EGF: variants seen among roughly 807,000 people sequenced by gnomAD.
EGF encodes epidermal growth factor, also known as pro-epidermal growth factor.
Under a neutral mutation model 143.8 loss-of-function variants are expected in EGF, and 95 were observed. The ratio of observed to expected loss-of-function variants is 0.66; its 90% CI spans 0.56 to 0.78. EGF has a LOEUF of 0.78. Among genes scored for constraint, EGF ranks in the 30% least tolerant of loss-of-function variants. The pLI is 0.00. For missense variants in EGF, 1,320 were observed against 1,470.9 expected (o/e 0.90, Z 1.68); for synonymous variants, 510 against 510.5 (o/e 1.00, Z 0.01).
chr4:109,978,611 G>A (rs1450934698), intron 13 of EGF, among the ~76,000 whole-genome samples: 4 of 152,132 alleles, frequency 2.6e-5, no homozygotes, highest in Non-Finnish European at 4.4e-5. Flanking sequence ...TTGTTTAATG[G>A]ACATAGAGTT....
At chr4:109,997,548 G>T (rs539975105) in intron 20 of EGF, among the ~76,000 whole-genome samples, 2 of 151,332 alleles carry the variant, frequency 1.3e-5, no homozygotes, top group African/African-American at 2.4e-5. Context: ...TGCAAGCTCC[G>T]CCTCCCGGAT....
intron 1 of EGF, among the ~76,000 whole-genome samples, chr4:109,937,907 G>C (rs2125993015): frequency 6.6e-6 from 1 of 152,236 alleles, no homozygotes; most frequent in South Asian, 2.1e-4. Flanking sequence ...GCTTCCCTTT[G>C]TGGGTAACTC....
At chr4:109,968,434 C>T (rs548242507) in intron 10 of EGF, among the ~76,000 whole-genome samples, 2 of 152,100 alleles carry the variant, frequency 1.3e-5, no homozygotes, top group Admixed American at 6.5e-5. Context: ...GCTTGTAGCC[C>T]TCATTAATTG....
At chr4:109,939,681 A>G (rs192474159) in intron 1 of EGF, among the ~76,000 whole-genome samples, 51 of 152,150 alleles carry the variant, frequency 3.4e-4, no homozygotes, top group African/African-American at 1.2e-3. Flanking sequence ...GGAAGCGCCA[A>G]CCCTCTTGTA....
intron 1 of EGF, among the ~76,000 whole-genome samples, chr4:109,937,970 GA>G (rs1466942562): frequency 6.6e-6 from 1 of 152,118 alleles, no homozygotes; most frequent in Admixed American, 6.6e-5. Context: ...CAACCTTGGT[GA>G]ATCTGAAAAT....
chr4:109,944,998 G>C, intron 4 of EGF, 75 bp from the exon 5 acceptor site: 1 of 1,472,070 alleles, frequency 6.8e-7, no homozygotes, highest in Non-Finnish European at 9.4e-7. Flanking sequence ...ACAATAAATT[G>C]AAATGAAGTG....
chr4:109,919,911 C>T lies in EGF; in HGVS notation c.127+6449C>T, dbSNP rs146705639. On this transcript the variant is annotated intron_variant, in intron 1 of 23. Coordinates refer to ENST00000265171, the MANE Select transcript of EGF (RefSeq NM_001963.6). ...ACTGACTGGACAGGTCAAGTGTAAA[C>T]GATACACATCTGTAAATAGAGAAGT... Among the ~76,000 whole-genome samples, 127 of 151,774 alleles carry T rather than the reference C, an allele frequency of 8.4e-4. 4 individuals are homozygous for T. The highest frequency in any genetic ancestry group is 1.3e-3 in the Non-Finnish European group (88 of 68,020).
At chr4:110,005,134 C>T (rs1753103630) in intron 22 of EGF, among the ~76,000 whole-genome samples, 1 of 138,108 alleles carries the variant, frequency 7.2e-6, no homozygotes, top group African/African-American at 2.6e-5. Context: ...CAGCCTCGAA[C>T]TCCTGGGCTC....
intron 5 of EGF, among the ~76,000 whole-genome samples, chr4:109,954,549 G>A (rs1744484012): frequency 6.6e-6 from 1 of 152,114 alleles, no homozygotes; most frequent in Non-Finnish European, 1.5e-5. Flanking sequence ...TTACTGACAA[G>A]AGTAAACTTC....
Position 109,974,756 on chromosome 4 carries a change from C to T in EGF, c.1778C>T (p.Thr593Ile), listed in dbSNP as rs1450180055. 1.9e-6 allele frequency: 3 copies of T among 1,613,510 alleles called. No individual in the cohort carries two copies. The highest frequency in any genetic ancestry group is 2.5e-6 in the Non-Finnish European group (3 of 1,179,672). ...DLNGKRSKII[T>I]KENISQPRGI... ...AATGGGAAACGTTCCAAAATAATCACTAAGGAGAACATCTCTCAACCACGA... is the reference window on the plus strand; with the variant it reads ...AATGGGAAACGTTCCAAAATAATCATTAAGGAGAACATCTCTCAACCACGA... The change falls in exon 12 of 24, where the codon ACT becomes ATT. Residue 593 changes from threonine (T) to isoleucine (I), a missense_variant. Physicochemically the swap from Thr to Ile is moderately conservative, Grantham distance 89 (BLOSUM62 -1). This residue lies in a region of EGF where 1,186 missense variants were observed against 1,313.7 expected (regional missense o/e 0.90). Coordinates refer to ENST00000265171, the MANE Select transcript of EGF (RefSeq NM_001963.6).
chr4:109,922,059 G>A (rs1737895312), intron 1 of EGF, among the ~76,000 whole-genome samples: 1 of 151,440 alleles, frequency 6.6e-6, no homozygotes, highest in Admixed American at 6.6e-5. Flanking sequence ...TCTGTTTACT[G>A]GAAGATTTTC....
rs1745326232 is a variant in EGF at position 109,959,416 on chromosome 4, C to G, written c.1045C>G (p.Arg349Gly). The G allele has an allele frequency of 6.2e-7, 1 of 1,612,784 alleles. No individual in the cohort carries two copies. Among genetic ancestry groups the G allele is most frequent in the Non-Finnish European group, 8.5e-7 (1 of 1,179,870 alleles). ...GTGTGCAGAGGGATACGCCCTAAGT[C>G]GAGACCGGAAGTACTGTGAAGGTAA... ...CMCAEGYALSRDRKYCEDVNE... is the reference protein window; with the variant it reads ...CMCAEGYALSGDRKYCEDVNE... The change falls in exon 6 of 24, where the codon CGA becomes GGA. Residue 349 changes from arginine to glycine, a missense_variant. Arg to Gly is a moderately radical substitution (Grantham distance 125, BLOSUM62 -2). Transcript: ENST00000265171.
chr4:109,937,240 G>C (rs1740984396), intron 1 of EGF, among the ~76,000 whole-genome samples: 1 of 151,932 alleles, frequency 6.6e-6, no homozygotes, highest in African/African-American at 2.4e-5. Flanking sequence ...CATATAATTA[G>C]GCTACTTAGT....
At chr4:109,985,495 G>T (rs184401798) in intron 16 of EGF, among the ~76,000 whole-genome samples, 2 of 152,154 alleles carry the variant, frequency 1.3e-5, no homozygotes, top group African/African-American at 4.8e-5. Flanking sequence ...TCTTGCCTTC[G>T]GCTTTCTGTG....
chr4:109,946,626 T>G (rs1742909055), intron 5 of EGF, among the ~76,000 whole-genome samples: 2 of 152,332 alleles, frequency 1.3e-5, no homozygotes, highest in South Asian at 4.1e-4. Context: ...TTTTGGATTC[T>G]CTCTCCCATT....
At chr4:109,943,113 T>C in intron 2 of EGF, 141 bp from the exon 3 acceptor site, 1 of 579,486 alleles carries the variant, frequency 1.7e-6, no homozygotes, top group Non-Finnish European at 3.0e-6. Flanking sequence ...TATCTGTGAC[T>C]ATTTTATTAT....
Position 109,980,919 on chromosome 4 carries a change from T to G in EGF, c.2315T>G (p.Met772Arg), listed in dbSNP as rs1749263129. The change falls in exon 15 of 24, where the codon ATG becomes AGG. Residue 772 changes from methionine to arginine, a missense_variant. Transcript: ENST00000265171. ...TAWCSCREGF[M>R]KASDGKTCLA... Reference sequence around the variant, plus strand: ...TGGTGTTCGTGTCGTGAAGGTTTTATGAAAGCCTCAGATGGGAAAACGTGT... The same window carrying G: ...TGGTGTTCGTGTCGTGAAGGTTTTAGGAAAGCCTCAGATGGGAAAACGTGT... 6.2e-7 allele frequency: 1 copy of G among 1,614,150 alleles called. No individual in the cohort carries two copies. The highest frequency in any genetic ancestry group is 8.5e-7 in the Non-Finnish European group (1 of 1,180,002).
At chr4:109,987,557 C>G (rs909765290) in intron 16 of EGF, among the ~76,000 whole-genome samples, 187 bp from the exon 17 acceptor site, 1 of 152,126 alleles carries the variant, frequency 6.6e-6, no homozygotes, top group Non-Finnish European at 1.5e-5. Context: ...AACCACTGCA[C>G]CCAGCCAGCT....
intron 1 of EGF, among the ~76,000 whole-genome samples, chr4:109,934,858 G>T (rs887367490): frequency 4.6e-5 from 7 of 152,142 alleles, no homozygotes; most frequent in African/African-American, 1.7e-4. Flanking sequence ...GCTTGTCAAA[G>T]ATCAGATGGT....
Sources: allele counts gnomAD v4.1 joint callset (sites outside exome capture counted in the v4.1 genomes callset), GRCh38; gene constraint gnomAD v4.1.1; regional missense constraint gnomAD v4.1.1; transcripts MANE v1.5; gene names NCBI Gene and HGNC (gene_info 2026-07-23, HGNC 2026-07-21).